The following GRIN2A variants were observed in gnomAD, a reference collection of about 807,000 sequenced individuals.
GRIN2A encodes the protein glutamate receptor ionotropic, NMDA 2A.
GRIN2A carries 22 observed loss-of-function variants against 113.4 expected under a neutral mutation model. That is an observed-to-expected ratio of 0.19 (90% CI 0.14 to 0.28). GRIN2A has a LOEUF of 0.28. Among genes scored for constraint, GRIN2A ranks in the 10% least tolerant of loss-of-function variants. The pLI is 1.00. For synonymous variants in GRIN2A, 827 were observed against 738.4 expected, an observed-to-expected ratio of 1.12 and a Z score of -1.94; for missense variants, 1,502 against 1,887.0, an observed-to-expected ratio of 0.80 and a Z score of 3.78.
intron 4 of GRIN2A, among the ~76,000 whole-genome samples, chr16:9,878,650 C>A (rs750997484): frequency 2.0e-5 from 3 of 152,174 alleles, no homozygotes; most frequent in Non-Finnish European, 4.4e-5. Context: ...TCATTAGTAT[C>A]CCTATCAACG....
intron 2 of GRIN2A, among the ~76,000 whole-genome samples, chr16:10,098,935 C>A (rs185032805): frequency 8.0e-6 from 1 of 125,220 alleles, no homozygotes; most frequent in Non-Finnish European, 1.9e-5. Flanking sequence ...GTCCCCCCTC[C>A]CCCCCCCAAA....
chr16:9,799,585 T>C (rs1291334262), intron 10 of GRIN2A, among the ~76,000 whole-genome samples: 2 of 152,216 alleles, frequency 1.3e-5, no homozygotes, highest in Non-Finnish European at 2.9e-5. Context: ...AAACGAACTT[T>C]GCTGTGTTCC....
At chr16:9,865,926 G>T (rs2043153483) in intron 4 of GRIN2A, among the ~76,000 whole-genome samples, 1 of 152,192 alleles carries the variant, frequency 6.6e-6, no homozygotes, top group African/African-American at 2.4e-5. Flanking sequence ...CCTAAATAAA[G>T]CTTGATTGGA....
At chr16:9,882,823 T>C (rs945866417) in intron 4 of GRIN2A, among the ~76,000 whole-genome samples, 2 of 152,126 alleles carry the variant, frequency 1.3e-5, no homozygotes, top group African/African-American at 4.8e-5. Flanking sequence ...GGAGATGCAA[T>C]AAATGCCTAT....
At chr16:10,004,318 G>C (rs2046369871) in intron 2 of GRIN2A, among the ~76,000 whole-genome samples, 1 of 151,020 alleles carries the variant, frequency 6.6e-6, no homozygotes, top group African/African-American at 2.4e-5. Context: ...GAACCCGGGA[G>C]GCAGAGGTTA....
rs150606804 is a variant in GRIN2A, at chr16:9,921,754, G to C, written c.1007+16205C>G. Among the ~76,000 whole-genome samples, 522 of 152,240 alleles carry C rather than the reference G, an allele frequency of 3.4e-3. 3 individuals carry two copies. The highest frequency in any genetic ancestry group is 0.012 in the African/African-American group (497 of 41,548). ...ATTCATCATCATCTTCATCAATCAT[G>C]ATCACCTTATTATTAATAACCACAA... On this transcript the variant is annotated intron_variant, in intron 3 of 12. Coordinates refer to ENST00000330684, the MANE Select transcript of GRIN2A (RefSeq NM_001134407.3).
At chr16:9,967,103 A>G (rs556606037) in intron 2 of GRIN2A, among the ~76,000 whole-genome samples, 2 of 152,316 alleles carry the variant, frequency 1.3e-5, no homozygotes, top group South Asian at 4.1e-4. Flanking sequence ...CAGGTCCCAC[A>G]TTTTGAAATT....
chr16:9,930,229 G>C (rs2044557430), intron 3 of GRIN2A, among the ~76,000 whole-genome samples: 2 of 152,120 alleles, frequency 1.3e-5, no homozygotes, highest in Non-Finnish European at 2.9e-5. Context: ...CACCTGTAGA[G>C]TGCCGACTAT....
chr16:10,075,913 T>C (rs2047863677), intron 2 of GRIN2A, among the ~76,000 whole-genome samples: 1 of 152,186 alleles, frequency 6.6e-6, no homozygotes, highest in South Asian at 2.1e-4. Flanking sequence ...AACTCTGGGC[T>C]CTGAACCCAG....
intron 2 of GRIN2A, among the ~76,000 whole-genome samples, chr16:10,016,769 C>A (rs1040656449): frequency 3.3e-5 from 5 of 152,204 alleles, no homozygotes; most frequent in African/African-American, 1.2e-4. Flanking sequence ...CTGGGCCTCC[C>A]GGCCTGGACT....
chr16:9,985,453 A>G (rs1019495531), intron 2 of GRIN2A, among the ~76,000 whole-genome samples: 30 of 152,196 alleles, frequency 2.0e-4, no homozygotes, highest in Non-Finnish European at 2.5e-4. Flanking sequence ...AAATGTCAAC[A>G]GACAAATGGA....
intron 11 of GRIN2A, among the ~76,000 whole-genome samples, chr16:9,789,146 G>A (rs915227554): frequency 5.3e-5 from 8 of 152,174 alleles, no homozygotes; most frequent in East Asian, 3.8e-4. Context: ...CAGGCCTTAT[G>A]GTTTCTGTTG....
In GRIN2A at chr16:10,111,340, G is replaced by A. The variant is rs1167023603; in HGVS notation, c.414+68658C>T. 18 of 394,982 alleles carry A rather than the reference G, an allele frequency of 4.6e-5. No homozygotes were observed. In the East Asian group the frequency reaches 1.0e-3, roughly 23 times the overall value. The allele number at this position is 394,982 out of a possible 1,614,324, so 24.5% of individuals were successfully genotyped here. On this transcript the variant is annotated intron_variant, in intron 2 of 12. Transcript: ENST00000330684. Reference sequence around the variant, plus strand: ...AGCAGCAGCGGCAGCAGCGGCAGGCGGCCGCGCGGGTGTTTGTCGCTTCGC... The same window carrying A: ...AGCAGCAGCGGCAGCAGCGGCAGGCAGCCGCGCGGGTGTTTGTCGCTTCGC...
intron 2 of GRIN2A, among the ~76,000 whole-genome samples, chr16:9,983,633 G>T (rs2045930123): frequency 6.6e-6 from 1 of 152,122 alleles, no homozygotes; most frequent in Non-Finnish European, 1.5e-5. Flanking sequence ...TAGAGACGGA[G>T]TTTCACTGCG....
At chr16:10,055,938 A>G (rs2047450598) in intron 2 of GRIN2A, among the ~76,000 whole-genome samples, 1 of 152,190 alleles carries the variant, frequency 6.6e-6, no homozygotes, top group South Asian at 2.1e-4. Context: ...CCAACATTTA[A>G]GTTCTTTCTC....
At chr16:9,966,009 C>T (rs893636018) in intron 2 of GRIN2A, among the ~76,000 whole-genome samples, 10 of 152,186 alleles carry the variant, frequency 6.6e-5, no homozygotes, top group Non-Finnish European at 1.5e-5. Context: ...TTTAAATATG[C>T]AGCACCTTAA....
At chr16:9,823,550 A>T (rs1052947527) in intron 9 of GRIN2A, among the ~76,000 whole-genome samples, 1 of 152,224 alleles carries the variant, frequency 6.6e-6, no homozygotes, top group East Asian at 1.9e-4. Flanking sequence ...TTTCTATGAA[A>T]CATTGAATTC....
At chr16:10,024,031 T>C (rs770339551) in intron 2 of GRIN2A, among the ~76,000 whole-genome samples, 1 of 152,206 alleles carries the variant, frequency 6.6e-6, no homozygotes, top group Non-Finnish European at 1.5e-5. Context: ...CGAGGTCATA[T>C]AGCTTGTCCT....
rs146768673 is a variant in GRIN2A at position 9,825,414 on chromosome 16, A to AT, written c.2008-2991dup. On this transcript the variant is annotated intron_variant, in intron 9 of 12. Coordinates refer to ENST00000330684, the MANE Select transcript of GRIN2A (RefSeq NM_001134407.3). Reference sequence around the variant, plus strand: ...TTGGAGAACAGAGGATTATTTTCTAATTTTTTTTCCATCCAATATGGAGGC... The same window carrying AT: ...TTGGAGAACAGAGGATTATTTTCTAATTTTTTTTTCCATCCAATATGGAGGC... Among the ~76,000 whole-genome samples, 1,273 of 152,060 alleles carry AT rather than the reference A, an allele frequency of 8.4e-3. 21 individuals are homozygous for AT. The highest frequency in any genetic ancestry group is 0.029 in the African/African-American group (1,201 of 41,476).
Sources: allele counts gnomAD v4.1 joint callset (sites outside exome capture counted in the v4.1 genomes callset), GRCh38; gene constraint gnomAD v4.1.1; transcripts MANE v1.5; gene names NCBI Gene and HGNC (gene_info 2026-07-23, HGNC 2026-07-21).